CFAP221: variants seen among roughly 807,000 people sequenced by gnomAD.
CFAP221 encodes cilia and flagella associated protein 221, also known as cilia- and flagella-associated protein 221.
CFAP221 carries 97 observed loss-of-function variants against 113.1 expected under a neutral mutation model. That is an observed-to-expected ratio of 0.86 (90% CI 0.73 to 1.02). The LOEUF (loss-of-function observed/expected upper bound fraction) is 1.02. Among genes scored for constraint, CFAP221 ranks in the 50% least tolerant of loss-of-function variants. CFAP221 has a pLI of 0.00. For synonymous variants in CFAP221, 331 were observed against 354.4 expected (o/e 0.93, Z 0.74); for missense variants, 1,025 against 1,013.4 (o/e 1.01, Z -0.16).
At position 119,604,798 on chromosome 2, in the gene CFAP221, G is replaced by GT. The variant is rs768912823; in HGVS notation, c.912+7dup. ...CGAAGCCTCAGAAGGTGAAGGTACG[G>GT]TGGGCCTTGTCCTTGGTGCGATGAA... On this transcript the variant is annotated splice_region_variant and intron_variant, in intron 9 of 23. Coordinates refer to ENST00000413369, the MANE Select transcript of CFAP221 (RefSeq NM_001271049.2). 31 of 1,576,168 alleles carry GT rather than the reference G, an allele frequency of 2.0e-5. No individual in the cohort carries two copies. Among genetic ancestry groups the GT allele is most frequent in the Non-Finnish European group, 2.7e-5 (31 of 1,161,146 alleles).
chr2:119,583,382 T>C (rs1236724127), intron 6 of CFAP221, among the ~76,000 whole-genome samples: 2 of 141,598 alleles, frequency 1.4e-5, no homozygotes, highest in Non-Finnish European at 3.0e-5. Context: ...GGAAAGTAAA[T>C]AGGAAATAGT....
chr2:119,656,517 T>G lies in CFAP221; in HGVS notation c.*47T>G. ...CTTCCATTTGCTTTCCGTGGGCCACTGTGGCCCCTTGCGTCCATTTACATG... is the reference window on the plus strand; with the variant it reads ...CTTCCATTTGCTTTCCGTGGGCCACGGTGGCCCCTTGCGTCCATTTACATG... On this transcript the variant is annotated 3_prime_UTR_variant, in exon 24 of 24. Coordinates refer to ENST00000413369, the MANE Select transcript of CFAP221 (RefSeq NM_001271049.2). 3.1e-6 allele frequency: 4 copies of G among 1,307,624 alleles called. No individual in the cohort carries two copies. The highest frequency in any genetic ancestry group is 4.4e-6 in the Non-Finnish European group (4 of 909,128). 81.0% of individuals were successfully genotyped at this position (1,307,624 alleles called of 1,614,324 possible).
chr2:119,642,237 G>C (rs528004709), intron 21 of CFAP221, among the ~76,000 whole-genome samples: 1 of 152,306 alleles, frequency 6.6e-6, no homozygotes, highest in East Asian at 1.9e-4. Flanking sequence ...TCTTAGCATG[G>C]ATTTCCACGG....
At chr2:119,652,181 A>G in intron 23 of CFAP221, 112 bp downstream of exon 23, 1 of 698,624 alleles carries the variant, frequency 1.4e-6, no homozygotes, top group Non-Finnish European at 2.3e-6. Context: ...TCTTTGAAAG[A>G]GACACATTTC....
chr2:119,636,398 A>ATACTC lies in CFAP221; in HGVS notation c.1975-1860_1975-1856dup, dbSNP rs564399556. 4.0e-3 allele frequency among the ~76,000 whole-genome samples: 617 copies of ATACTC among 152,346 alleles called. 3 individuals carry two copies. Among genetic ancestry groups the ATACTC allele is most frequent in the African/African-American group, 0.012 (513 of 41,570 alleles). ...TGATTTCACCTGAAGGGGAGTTGAA[A>ATACTC]TACTCAACTAAAGATGATGTACAAG... On this transcript the variant is annotated intron_variant, in intron 19 of 23. Coordinates refer to ENST00000413369, the MANE Select transcript of CFAP221 (RefSeq NM_001271049.2).
In CFAP221 at chr2:119,627,678, G is replaced by C. The variant is rs1403551035; in HGVS notation, c.1542G>C (p.Leu514=). The C allele has an allele frequency of 6.2e-7, 1 of 1,613,360 alleles. No individual in the cohort carries two copies. The highest frequency in any genetic ancestry group is 1.7e-4 in the Middle Eastern group (1 of 6,060). Residue 514 remains leucine, a synonymous_variant, in exon 16 of 24, where the codon CTG becomes CTC. Transcript: ENST00000413369. ...AGGCGAATTTCTTCAAATTCTTCCT[G>C]AGGCGGATCAGTCAGGATGATTATA... is the stretch of plus-strand genomic sequence containing the variant. ...AQEANFFKFF[L]RRISQDDYTS...
chr2:119,582,095 A>T (rs1403815997), intron 6 of CFAP221, among the ~76,000 whole-genome samples: 2 of 152,220 alleles, frequency 1.3e-5, no homozygotes, highest in Admixed American at 1.3e-4. Context: ...CAAGGAAGAA[A>T]ATAAAAAATA....
At chr2:119,559,852 T>G in intron 4 of CFAP221, 76 bp from the exon 5 acceptor site, 1 of 1,468,370 alleles carries the variant, frequency 6.8e-7, no homozygotes, top group Non-Finnish European at 9.2e-7. Context: ...GGGGGGTGTG[T>G]GGTGTGTTGT....
chr2:119,587,267 G>C, intron 7 of CFAP221, 45 bp downstream of exon 7: 1 of 1,305,674 alleles, frequency 7.7e-7, no homozygotes, highest in Non-Finnish European at 1.0e-6. Flanking sequence ...AGAATAAGCT[G>C]CATTCAAACG....
chr2:119,604,767 C>T lies in CFAP221; in HGVS notation c.887C>T (p.Ala296Val), dbSNP rs745914615. 9.1e-5 allele frequency: 141 copies of T among 1,542,002 alleles called. No individual in the cohort carries two copies. In the East Asian group the frequency reaches 2.9e-3, roughly 31 times the overall value. ...MMHINFHRPP[A>V]KPKPQKVKEI... is the part of the protein sequence containing the mutation. ...CATATAAATTTTCACCGACCGCCAG[C>T]GAAGCCGAAGCCTCAGAAGGTGAAG... Residue 296 changes from alanine to valine, a missense_variant, in exon 9 of 24, where the codon GCG (alanine) becomes GTG (valine). Transcript: ENST00000413369.
chr2:119,591,695 C>T (rs1280950664), intron 7 of CFAP221, among the ~76,000 whole-genome samples: 1 of 152,218 alleles, frequency 6.6e-6, no homozygotes, highest in African/African-American at 2.4e-5. Flanking sequence ...CCTCACACCT[C>T]TACTGCCCAT....
intron 22 of CFAP221, 98 bp downstream of exon 22, chr2:119,647,148 G>T: frequency 1.1e-6 from 1 of 879,732 alleles, no homozygotes; most frequent in Non-Finnish European, 1.8e-6. Context: ...CACAGTTCCT[G>T]AGCTTGCAAC....
chr2:119,615,534 CTA>C, intron 13 of CFAP221, 75 bp from the exon 14 acceptor site: 1 of 1,081,420 alleles, frequency 9.2e-7, no homozygotes, highest in Non-Finnish European at 1.3e-6. Context: ...GGATCAAACT[CTA>C]AAATGTTTTT....
At chr2:119,584,145 A>G (rs537018153) in intron 6 of CFAP221, among the ~76,000 whole-genome samples, 1 of 152,326 alleles carries the variant, frequency 6.6e-6, no homozygotes, top group East Asian at 1.9e-4. Flanking sequence ...GCAGATTTCA[A>G]TTTTCTCCAA....
Position 119,640,364 on chromosome 2 carries a change from C to T in CFAP221, c.2225+492C>T, listed in dbSNP as rs1687409803. 2.0e-5 allele frequency among the ~76,000 whole-genome samples: 3 copies of T among 152,182 alleles called. No homozygotes were observed. The South Asian group carries it at 6.2e-4, about 32-fold the overall frequency. On this transcript the variant is annotated intron_variant, in intron 21 of 23. Coordinates refer to ENST00000413369, the MANE Select transcript of CFAP221 (RefSeq NM_001271049.2). ...AATCCCCACACAGAAAACAGCCCTG[C>T]TCCAGATACACAATGGGTAGATCAG...
intron 6 of CFAP221, among the ~76,000 whole-genome samples, chr2:119,563,161 T>C (rs1487041123): frequency 2.0e-5 from 3 of 152,108 alleles, no homozygotes; most frequent in Non-Finnish European, 4.4e-5. Context: ...CTCTAAAATA[T>C]AAAAAATAAA....
At chr2:119,603,366 C>T (rs1017880901) in intron 8 of CFAP221, among the ~76,000 whole-genome samples, 10 of 152,146 alleles carry the variant, frequency 6.6e-5, no homozygotes, top group African/African-American at 2.4e-4. Context: ...TGCTGAACCT[C>T]AGTTCGCTAC....
At chr2:119,568,082 C>A (rs1214765397) in intron 6 of CFAP221, among the ~76,000 whole-genome samples, 1 of 152,146 alleles carries the variant, frequency 6.6e-6, no homozygotes, top group Admixed American at 6.5e-5. Context: ...ATCCTAATTT[C>A]TTCCTCTCCT....
chr2:119,585,455 G>C (rs1683147641), intron 6 of CFAP221, among the ~76,000 whole-genome samples: 2 of 152,308 alleles, frequency 1.3e-5, no homozygotes, highest in Admixed American at 1.3e-4. Flanking sequence ...GGGAGGAAGA[G>C]GGAGAGAATT....
Sources: allele counts gnomAD v4.1 joint callset (sites outside exome capture counted in the v4.1 genomes callset), GRCh38; gene constraint gnomAD v4.1.1; transcripts MANE v1.5; gene names NCBI Gene and HGNC (gene_info 2026-07-23, HGNC 2026-07-21).